The following CFAP61 variants were observed in gnomAD, a reference collection of about 807,000 sequenced individuals.
The protein encoded by CFAP61 is cilia- and flagella-associated protein 61.
In CFAP61, 107 loss-of-function variants were observed where a neutral mutation model predicts 135.6. That is an observed-to-expected ratio of 0.79 (90% CI 0.67 to 0.93). The LOEUF (loss-of-function observed/expected upper bound fraction) is 0.93. CFAP61 is among the 40% of genes least tolerant of loss of function. The pLI is 0.00. For missense variants in CFAP61, 1,507 were observed against 1,556.2 expected, an observed-to-expected ratio of 0.97 and a Z score of 0.53; for synonymous variants, 575 against 578.5, an observed-to-expected ratio of 0.99 and a Z score of 0.09.
At chr20:20,329,715 G>A (rs1023547881) in intron 25 of CFAP61, among the ~76,000 whole-genome samples, 3 of 152,208 alleles carry the variant, frequency 2.0e-5, no homozygotes, top group African/African-American at 7.2e-5. Flanking sequence ...CATCCGACTG[G>A]ACGTTAGAGC....
intron 8 of CFAP61, among the ~76,000 whole-genome samples, chr20:20,115,147 T>A (rs2049051600): frequency 6.6e-6 from 1 of 152,114 alleles, no homozygotes; most frequent in African/African-American, 2.4e-5. Flanking sequence ...GCACCTATAT[T>A]CATGAGTGAG....
chr20:20,204,348 A>G (rs1258196451), intron 17 of CFAP61, among the ~76,000 whole-genome samples: 1 of 152,122 alleles, frequency 6.6e-6, no homozygotes, highest in African/African-American at 2.4e-5. Flanking sequence ...TCCTTCTACA[A>G]AGAAAAATGA....
chr20:20,188,208 A>G, intron 14 of CFAP61, 152 bp downstream of exon 14: 2 of 756,386 alleles, frequency 2.6e-6, no homozygotes, highest in Non-Finnish European at 4.2e-6. Context: ...AGAAGAGAAA[A>G]CTGTGGAGAC....
At chr20:20,124,138 G>A (rs898250770) in intron 8 of CFAP61, among the ~76,000 whole-genome samples, 2 of 151,460 alleles carry the variant, frequency 1.3e-5, no homozygotes, top group African/African-American at 4.9e-5. Context: ...GAGCTTTTTG[G>A]AAGAGTCTTT....
At chr20:20,154,089 G>T (rs916292956) in intron 9 of CFAP61, among the ~76,000 whole-genome samples, 1 of 151,988 alleles carries the variant, frequency 6.6e-6, no homozygotes, top group Non-Finnish European at 1.5e-5. Flanking sequence ...GACATAAACA[G>T]ATTTAAAAAC....
intron 13 of CFAP61, among the ~76,000 whole-genome samples, chr20:20,170,338 G>A (rs940814312): frequency 2.0e-5 from 3 of 152,072 alleles, no homozygotes; most frequent in Admixed American, 6.5e-5. Flanking sequence ...CCAACAGAAG[G>A]ATGTTTTAAA....
At chr20:20,180,740 G>A (rs2055005247) in intron 13 of CFAP61, among the ~76,000 whole-genome samples, 1 of 152,046 alleles carries the variant, frequency 6.6e-6, no homozygotes, top group Non-Finnish European at 1.5e-5. Flanking sequence ...CAATAGCAAA[G>A]ACATGGAATC....
chr20:20,135,124 A>G (rs6106196), intron 8 of CFAP61, among the ~76,000 whole-genome samples: 247 of 152,294 alleles, frequency 1.6e-3, no homozygotes, highest in African/African-American at 5.8e-3. Flanking sequence ...GGAAAAGGCA[A>G]TGTGATTATG....
intron 2 of CFAP61, 135 bp downstream of exon 2, chr20:20,056,931 G>A (rs1366470560): frequency 9.6e-6 from 7 of 727,548 alleles, no homozygotes; most frequent in East Asian, 2.6e-5. Flanking sequence ...CAGCCTGGCC[G>A]ACATGGCAAA....
At chr20:20,085,979 T>C (rs2046770459) in intron 6 of CFAP61, among the ~76,000 whole-genome samples, 1 of 152,186 alleles carries the variant, frequency 6.6e-6, no homozygotes, top group Non-Finnish European at 1.5e-5. Flanking sequence ...AGGCTTTTTC[T>C]GCCAAGGTTC....
At chr20:20,254,504 G>A (rs1403806367) in intron 20 of CFAP61, among the ~76,000 whole-genome samples, 1 of 151,982 alleles carries the variant, frequency 6.6e-6, no homozygotes, top group Non-Finnish European at 1.5e-5. Context: ...GGCACATTAA[G>A]CTCTTGCCCT....
intron 8 of CFAP61, 60 bp downstream of exon 8, chr20:20,098,874 G>C: frequency 6.9e-7 from 1 of 1,453,614 alleles, no homozygotes; most frequent in Non-Finnish European, 9.4e-7. Flanking sequence ...TACACATTGC[G>C]CTCTTCGCTA....
At chr20:20,260,145 A>T (rs1230598528) in intron 20 of CFAP61, among the ~76,000 whole-genome samples, 1 of 152,138 alleles carries the variant, frequency 6.6e-6, no homozygotes, top group African/African-American at 2.4e-5. Context: ...CTGCCTACAA[A>T]CTCCTCTTAG....
intron 20 of CFAP61, among the ~76,000 whole-genome samples, chr20:20,259,355 G>A (rs1281795728): frequency 4.7e-5 from 7 of 147,738 alleles, no homozygotes; most frequent in Non-Finnish European, 1.5e-5. Flanking sequence ...CCCGGCTCAG[G>A]TGATTCTCCT....
chr20:20,139,478 A>G (rs1436633833), intron 8 of CFAP61, among the ~76,000 whole-genome samples: 2 of 152,282 alleles, frequency 1.3e-5, no homozygotes, highest in African/African-American at 4.8e-5. Context: ...AAGCCATAAA[A>G]TAACAATTAA....
intron 18 of CFAP61, among the ~76,000 whole-genome samples, chr20:20,240,627 C>G (rs1026304578): frequency 6.6e-6 from 1 of 152,038 alleles, no homozygotes; most frequent in Non-Finnish European, 1.5e-5. Context: ...ATATCCCCAG[C>G]TCATCCTTCC....
chr20:20,181,100 C>T (rs933944903), intron 13 of CFAP61, among the ~76,000 whole-genome samples: 7 of 151,514 alleles, frequency 4.6e-5, no homozygotes, highest in Non-Finnish European at 1.0e-4. Flanking sequence ...ACAACAAACC[C>T]CAATGACACA....
chr20:20,355,804 AGTGACACTGTGAGCAGAGATG>A (rs2059105493), intron 26 of CFAP61, among the ~76,000 whole-genome samples: 2 of 117,610 alleles, frequency 1.7e-5, no homozygotes, highest in African/African-American at 7.1e-5. Flanking sequence ...GAGGGGAGGT[AGTGACACTGTGAGCAGAGATG>A]GTCACACTGT....
chr20:20,222,255 T>C (rs2048453883), intron 17 of CFAP61, among the ~76,000 whole-genome samples: 1 of 152,118 alleles, frequency 6.6e-6, no homozygotes, highest in South Asian at 2.1e-4. Context: ...ATAATGATAA[T>C]GCCCAAATAG....
Sources: allele counts gnomAD v4.1 joint callset (sites outside exome capture counted in the v4.1 genomes callset), GRCh38; gene constraint gnomAD v4.1.1; transcripts MANE v1.5; gene names NCBI Gene and HGNC (gene_info 2026-07-23, HGNC 2026-07-21).